Variants in HIPK3 observed in about 807,000 individuals in gnomAD.
The protein encoded by HIPK3 is homeodomain interacting protein kinase 3.
A neutral mutation model predicts 124.2 loss-of-function variants in HIPK3; 47 were observed. The observed-to-expected ratio is 0.38, with a 90% CI of 0.30 to 0.48. The LOEUF is 0.48. HIPK3 is among the 20% of genes least tolerant of loss of function. The pLI, the probability that HIPK3 is intolerant of heterozygous loss-of-function variation, is 0.98. For missense variants in HIPK3, 1,286 were observed against 1,454.3 expected (o/e 0.88, Z 1.88); for synonymous variants, 482 against 515.2 (o/e 0.94, Z 0.87).
intron 13 of HIPK3, 120 bp downstream of exon 13, chr11:33,348,938 T>C: frequency 1.0e-6 from 1 of 1,001,704 alleles, no homozygotes; most frequent in South Asian, 1.7e-5. Flanking sequence ...ACCTTTAAAT[T>C]AGATAACCCA....
At chr11:33,266,001 G>A (rs1013921622) in intron 1 of HIPK3, among the ~76,000 whole-genome samples, 1 of 147,754 alleles carries the variant, frequency 6.8e-6, no homozygotes, top group South Asian at 2.2e-4. Context: ...GGAGAATGGC[G>A]TGAACCCGGG....
rs1444109043 is a variant in HIPK3 at position 33,267,254 on chromosome 11, A to G, written c.-3+9365A>G. On this transcript the variant is annotated intron_variant, in intron 1 of 16. Coordinates refer to ENST00000303296, the MANE Select transcript of HIPK3 (RefSeq NM_005734.5). ...TCTCCTGCCTCAGCCTTGAGATTAC[A>G]GGCAACTGCCACCACGCCCGGCTAA... 2.0e-5 allele frequency among the ~76,000 whole-genome samples: 3 copies of G among 150,388 alleles called. No homozygotes were observed. In the East Asian group the frequency reaches 6.0e-4, roughly 30 times the overall value.
intron 14 of HIPK3, among the ~76,000 whole-genome samples, chr11:33,350,020 C>T (rs981164837): frequency 1.3e-5 from 2 of 152,210 alleles, no homozygotes; most frequent in African/African-American, 4.8e-5. Flanking sequence ...CTGCCTCAGC[C>T]TCCCAAAATG....
Position 33,257,698 on chromosome 11 carries a change from G to A in HIPK3, c.-194G>A, listed in dbSNP as rs1293748836. On this transcript the variant is annotated 5_prime_UTR_variant, in exon 1 of 17. Transcript: ENST00000303296. Reference sequence around the variant, plus strand: ...AGCAGCAGCAGCAGCGGTCGGGGGAGGGTGTTTCGCCGTTTCCTCTCAGCC... The same window carrying A: ...AGCAGCAGCAGCAGCGGTCGGGGGAAGGTGTTTCGCCGTTTCCTCTCAGCC... 10 of 992,504 alleles carry A rather than the reference G, an allele frequency of 1.0e-5. No homozygotes were observed. Among genetic ancestry groups the A allele is most frequent in the African/African-American group, 1.7e-5 (1 of 57,294 alleles). The allele number at this position is 992,504 out of a possible 1,614,324, so 61.5% of individuals were successfully genotyped here.
At position 33,282,204 on chromosome 11, in the gene HIPK3, TG is replaced by T. The variant is rs557206573; in HGVS notation, c.-2-4207del. 8.7e-4 allele frequency among the ~76,000 whole-genome samples: 132 copies of T among 151,380 alleles called. 1 individual carries two copies. Among genetic ancestry groups the T allele is most frequent in the South Asian group, 4.6e-3 (22 of 4,782 alleles). On this transcript the variant is annotated intron_variant, in intron 1 of 16. Transcript: ENST00000303296. ...GAGTTCGAGACCAGCCTGGGCAATA[TG>T]GCAAGACCCCATCTCTACAAAATTT...
rs1453565987 is a variant in HIPK3, at chr11:33,348,769, A to G, written c.2617A>G (p.Ser873Gly). 8 of 1,614,068 alleles carry G rather than the reference A, an allele frequency of 5.0e-6. No homozygotes were observed. The highest frequency in any genetic ancestry group is 1.3e-5 in the African/African-American group (1 of 74,940). ...TCCTGCAGTGAGTGTCATCACTATC[A>G]GCAGTGACACTGATGAGGAAGAGAC... ...PSPAVSVITISSDTDEEETSQ... is the reference protein window; with the variant it reads ...PSPAVSVITIGSDTDEEETSQ... Residue 873 changes from serine to glycine, a missense_variant, in exon 13 of 17, where the codon AGC (serine) becomes GGC (glycine). Ser to Gly is a moderately conservative substitution (Grantham distance 56). This residue lies in a region of HIPK3 where 810 missense variants were observed against 864.9 expected (regional missense o/e 0.94). Coordinates refer to ENST00000303296, the MANE Select transcript of HIPK3 (RefSeq NM_005734.5).
At chr11:33,280,036 G>C (rs971156803) in intron 1 of HIPK3, among the ~76,000 whole-genome samples, 2 of 152,102 alleles carry the variant, frequency 1.3e-5, no homozygotes, top group African/African-American at 4.8e-5. Context: ...GGGGAGGTGG[G>C]GGGGACACAA....
Position 33,346,708 on chromosome 11 carries a change from C to T in HIPK3, c.1898-585C>T, listed in dbSNP as rs141912930. 1.1e-4 allele frequency among the ~76,000 whole-genome samples: 16 copies of T among 152,184 alleles called. No individual in the cohort carries two copies. In the East Asian group the frequency reaches 2.3e-3, roughly 22 times the overall value. ...AAAATAAAGCTTCAATAGCAAACTT[C>T]GGAGATGAGAAGTTTCAAGAAAATT... On this transcript the variant is annotated intron_variant, in intron 8 of 16. Transcript: ENST00000303296.
In HIPK3 at chr11:33,265,127, T is replaced by C. The variant is rs190261512; in HGVS notation, c.-3+7238T>C. On this transcript the variant is annotated intron_variant, in intron 1 of 16. Coordinates refer to ENST00000303296, the MANE Select transcript of HIPK3 (RefSeq NM_005734.5). ...GGTATGTAATTTATTACACTTTCTA[T>C]TGAGTTTAAATAGGGTGTAGTGACA... 8.7e-4 allele frequency among the ~76,000 whole-genome samples: 132 copies of C among 152,342 alleles called. 1 individual carries two copies. The highest frequency in any genetic ancestry group is 4.6e-3 in the South Asian group (22 of 4,826).
At chr11:33,352,967 T>G in intron 16 of HIPK3, 125 bp from the exon 17 acceptor site, 1 of 607,278 alleles carries the variant, frequency 1.6e-6, no homozygotes, top group Non-Finnish European at 2.9e-6. Context: ...TTAGTATAAG[T>G]TAGTTCTGAG....
chr11:33,340,950 T>A lies in HIPK3; in HGVS notation c.1614-18T>A, dbSNP rs1022194070. 1 of 1,478,666 alleles carries A rather than the reference T, an allele frequency of 6.8e-7. No individual in the cohort carries two copies. The allele number at this position is 1,478,666 out of a possible 1,614,324, so 91.6% of individuals were successfully genotyped here. Reference sequence around the variant, plus strand: ...CTTTTAAAATAATACTGTAATACCTTCACTTTTTCTTTTACAGTGTAAAGT... The same window carrying A: ...CTTTTAAAATAATACTGTAATACCTACACTTTTTCTTTTACAGTGTAAAGT... On this transcript the variant is annotated intron_variant, in intron 6 of 16. Coordinates refer to ENST00000303296, the MANE Select transcript of HIPK3 (RefSeq NM_005734.5).
intron 2 of HIPK3, among the ~76,000 whole-genome samples, chr11:33,300,320 C>T (rs1320103968): frequency 6.6e-6 from 1 of 151,722 alleles, no homozygotes; most frequent in Non-Finnish European, 1.5e-5. Context: ...TGCACTCCAG[C>T]CTGGGTGACA....
intron 1 of HIPK3, among the ~76,000 whole-genome samples, chr11:33,273,192 A>T (rs925927393): frequency 2.0e-5 from 3 of 152,106 alleles, no homozygotes; most frequent in Non-Finnish European, 4.4e-5. Flanking sequence ...TTGAAAATTA[A>T]AAAGAGTATT....
Position 33,352,279 on chromosome 11 carries a change from T to TTCAGTCA in HIPK3, c.3171+14_3171+15insTCAGTCA, listed in dbSNP as rs1853686243. The stretch of plus-strand genomic sequence containing the variant: ...AACTTCAGTCAGGTATGTTCATTTG[T>TTCAGTCA]GGATATGTAGGAGTCTGTGGGATTC... On this transcript the variant is annotated intron_variant, in intron 16 of 16. Transcript: ENST00000303296. 6.2e-7 allele frequency: 1 copy of TTCAGTCA among 1,613,392 alleles called. No homozygotes were observed. The highest frequency in any genetic ancestry group is 8.5e-7 in the Non-Finnish European group (1 of 1,179,668).
At chr11:33,264,747 A>T (rs1590335676) in intron 1 of HIPK3, among the ~76,000 whole-genome samples, 1 of 152,222 alleles carries the variant, frequency 6.6e-6, no homozygotes, top group Non-Finnish European at 1.5e-5. Flanking sequence ...TATTATTTAT[A>T]AGCATACAAA....
At position 33,278,156 on chromosome 11, in the gene HIPK3, T is replaced by C. The variant is rs566333798; in HGVS notation, c.-2-8257T>C. Among the ~76,000 whole-genome samples the C allele has an allele frequency of 2.9e-4, 44 of 152,338 alleles. 1 individual carries two copies. The highest frequency in any genetic ancestry group is 1.0e-3 in the African/African-American group (43 of 41,588). On this transcript the variant is annotated intron_variant, in intron 1 of 16. Coordinates refer to ENST00000303296, the MANE Select transcript of HIPK3 (RefSeq NM_005734.5). ...CTTTCTGTCAGAGGTTGATGATTAA[T>C]TTGTTAAAAATATAACTAATTTTAA...
chr11:33,314,796 G>A (rs1250895538), intron 2 of HIPK3, among the ~76,000 whole-genome samples: 1 of 152,084 alleles, frequency 6.6e-6, no homozygotes, highest in Non-Finnish European at 1.5e-5. Context: ...GTCTGATCTA[G>A]CCTAAATATA....
chr11:33,311,041 G>T (rs960443075), intron 2 of HIPK3, among the ~76,000 whole-genome samples: 4 of 152,144 alleles, frequency 2.6e-5, no homozygotes, highest in African/African-American at 9.7e-5. Flanking sequence ...TTTCTGTTCA[G>T]CCTCTATGCC....
rs185891366 is a variant in HIPK3, at chr11:33,349,452, T to C, written c.2807+165T>C. Among the ~76,000 whole-genome samples the C allele has an allele frequency of 8.6e-4, 131 of 152,294 alleles. 2 individuals are homozygous for C. The highest frequency in any genetic ancestry group is 8.6e-3 in the Admixed American group (131 of 15,300). On this transcript the variant is annotated intron_variant, in intron 14 of 16. Transcript: ENST00000303296. ...TTTTATAAACACAGGTTTGTTTGTT[T>C]GTTTGTTTGTTTTTGAGACAGGGTC...
Sources: gnomAD v4.1 joint callset for allele counts (sites outside exome capture counted in the v4.1 genomes callset) on GRCh38, gnomAD v4.1.1 for gene constraint, gnomAD v4.1.1 regional missense constraint, MANE v1.5 for transcripts, NCBI Gene and HGNC (gene_info 2026-07-23, HGNC 2026-07-21) for gene names.